The following SMAD4 variants were observed in gnomAD, a reference collection of about 807,000 sequenced individuals.
The protein encoded by SMAD4 is SMAD family member 4, also known as MAD homolog 4.
A neutral mutation model predicts 63.2 loss-of-function variants in SMAD4; 7 were observed. That is an observed-to-expected ratio of 0.11 (90% CI 0.06 to 0.21). SMAD4 has a LOEUF of 0.21. Ranked by LOEUF, SMAD4 falls within the 10% of genes least tolerant of loss-of-function variation. SMAD4 has a pLI of 1.00. For missense variants in SMAD4, 312 were observed against 693.8 expected, an observed-to-expected ratio of 0.45 and a Z score of 6.18; for synonymous variants, 215 against 235.4, an observed-to-expected ratio of 0.91 and a Z score of 0.79.
intron 10 of SMAD4, 148 bp from the exon 11 acceptor site, chr18:51,076,490 C>T: frequency 1.4e-6 from 1 of 690,938 alleles, no homozygotes; most frequent in Non-Finnish European, 2.5e-6. Flanking sequence ...AGACCAATCA[C>T]AATGTACATA....
intron 1 of SMAD4, among the ~76,000 whole-genome samples, chr18:51,036,485 A>G (rs1175979447): frequency 6.6e-6 from 1 of 152,202 alleles, no homozygotes; most frequent in East Asian, 1.9e-4. Flanking sequence ...CTAAGCCAGG[A>G]ATCATTGTAC....
In SMAD4 at chr18:51,058,428, G is replaced by A. The variant is rs753358186; in HGVS notation, c.876G>A (p.Pro292=). 1.4e-5 allele frequency: 22 copies of A among 1,611,916 alleles called. No individual in the cohort carries two copies. In the South Asian group the frequency reaches 1.4e-4, roughly 10 times the overall value. Residue 292 remains proline (P), a synonymous_variant, in exon 7 of 12, where the codon CCG becomes CCA. Transcript: ENST00000342988. ...AAAACGGCCATCTTCAGCACCACCC[G>A]CCTATGCCGCCCCATCCCGGACATT... The part of the protein sequence containing the change: ...HHQNGHLQHH[P]PMPPHPGHYW...
At chr18:51,044,957 T>G (rs1374546834) in intron 1 of SMAD4, 1 of 152,312 alleles carries the variant, frequency 6.6e-6, no homozygotes, top group South Asian at 2.1e-4. Context: ...CTAAGACATA[T>G]GAAAAACTGC....
intron 8 of SMAD4, among the ~76,000 whole-genome samples, chr18:51,062,065 T>C (rs1910028350): frequency 6.6e-6 from 1 of 152,218 alleles, no homozygotes. Flanking sequence ...CATAGTTTAA[T>C]AAACTTTTTG....
intron 4 of SMAD4, among the ~76,000 whole-genome samples, chr18:51,049,962 AT>A (rs939816840): frequency 1.3e-5 from 2 of 152,224 alleles, no homozygotes; most frequent in Non-Finnish European, 2.9e-5. Context: ...TTATTGTAAT[AT>A]TTGAGAATGG....
chr18:51,032,625 G>A (rs2144371826), intron 1 of SMAD4, among the ~76,000 whole-genome samples: 1 of 152,146 alleles, frequency 6.6e-6, no homozygotes, highest in East Asian at 1.9e-4. Flanking sequence ...ATTAAGGAGC[G>A]AGAATTAACC....
chr18:51,044,360 C>T (rs1006496859), intron 1 of SMAD4, among the ~76,000 whole-genome samples: 7 of 152,024 alleles, frequency 4.6e-5, no homozygotes, highest in South Asian at 2.1e-4. Flanking sequence ...CAGAAAAATG[C>T]GTAATGCATT....
intron 10 of SMAD4, among the ~76,000 whole-genome samples, chr18:51,068,336 T>A (rs978813428): frequency 6.6e-6 from 1 of 152,114 alleles, no homozygotes; most frequent in African/African-American, 2.4e-5. Context: ...CTCCCCCAAC[T>A]TTTTTTTCCT....
At chr18:51,037,530 G>A (rs978450927) in intron 1 of SMAD4, among the ~76,000 whole-genome samples, 4 of 152,174 alleles carry the variant, frequency 2.6e-5, no homozygotes, top group South Asian at 4.2e-4. Flanking sequence ...AAAAAATGCC[G>A]GTTTCACTTA....
chr18:51,056,968 C>A (rs939068885), intron 5 of SMAD4, among the ~76,000 whole-genome samples: 3 of 151,996 alleles, frequency 2.0e-5, no homozygotes, highest in African/African-American at 7.2e-5. Flanking sequence ...ATGAACAAAA[C>A]CATAATTAAC....
intron 8 of SMAD4, 117 bp downstream of exon 8, chr18:51,060,033 A>T: frequency 1.3e-6 from 1 of 763,364 alleles, no homozygotes; most frequent in Non-Finnish European, 2.4e-6. Flanking sequence ...TACAATACTC[A>T]TCATGACATG....
At chr18:51,034,267 A>G (rs970911726) in intron 1 of SMAD4, among the ~76,000 whole-genome samples, 2 of 137,238 alleles carry the variant, frequency 1.5e-5, no homozygotes, top group African/African-American at 5.5e-5. Context: ...TTTTTCTGAG[A>G]CGGAGTTTCG....
At position 51,081,684 on chromosome 18, in the gene SMAD4, G is replaced by A. The variant is rs1447557726; in HGVS notation, c.*3217G>A. The A allele has an allele frequency of 8.6e-6, 2 of 232,750 alleles. No individual in the cohort carries two copies. Among genetic ancestry groups the A allele is most frequent in the Admixed American group, 1.1e-4 (2 of 17,772 alleles). 14.4% of individuals were successfully genotyped at this position (232,750 alleles called of 1,614,324 possible). A position where few individuals can be genotyped will look rare whatever the true frequency, so the allele number is the denominator to read the frequency against. ...CCATTTTTGTGGGGCAGGGTGTGGTGTGTAAAGGGGGGTGTTTGTAATACA... is the reference window on the plus strand; with the variant it reads ...CCATTTTTGTGGGGCAGGGTGTGGTATGTAAAGGGGGGTGTTTGTAATACA... On this transcript the variant is annotated 3_prime_UTR_variant, in exon 12 of 12. Coordinates refer to ENST00000342988, the MANE Select transcript of SMAD4 (RefSeq NM_005359.6).
At chr18:51,064,095 CTAAG>C (rs1322895690) in intron 8 of SMAD4, among the ~76,000 whole-genome samples, 1 of 148,996 alleles carries the variant, frequency 6.7e-6, no homozygotes, top group Non-Finnish European at 1.5e-5. Flanking sequence ...TTTTGTCATT[CTAAG>C]TAACTTTGTT....
intron 11 of SMAD4, among the ~76,000 whole-genome samples, chr18:51,077,647 A>T (rs1261089058): frequency 6.6e-6 from 1 of 152,162 alleles, no homozygotes; most frequent in Non-Finnish European, 1.5e-5. Flanking sequence ...TTGATTTTTT[A>T]AAATTTGGGG....
chr18:51,074,692 A>C (rs1036093808), intron 10 of SMAD4, among the ~76,000 whole-genome samples: 1 of 152,224 alleles, frequency 6.6e-6, no homozygotes, highest in East Asian at 1.9e-4. Context: ...TCTTTAAAAA[A>C]GTGGTTGTAG....
At chr18:51,037,673 T>A (rs1386075931) in intron 1 of SMAD4, among the ~76,000 whole-genome samples, 1 of 152,230 alleles carries the variant, frequency 6.6e-6, no homozygotes, top group Non-Finnish European at 1.5e-5. Flanking sequence ...ACAGTGTTCT[T>A]TTCTAGGAAA....
chr18:51,075,805 G>A (rs111604818), intron 10 of SMAD4, among the ~76,000 whole-genome samples: 7 of 152,150 alleles, frequency 4.6e-5, no homozygotes, highest in Middle Eastern at 3.4e-3. Context: ...AAATGACTAC[G>A]GGGGAGGCTA....
At chr18:51,038,639 A>G (rs950013340) in intron 1 of SMAD4, among the ~76,000 whole-genome samples, 24 of 152,234 alleles carry the variant, frequency 1.6e-4, no homozygotes, top group Admixed American at 6.5e-5. Flanking sequence ...AGATATGGGA[A>G]TCCAGCTGTC....
Sources: gnomAD v4.1 joint callset for allele counts (sites outside exome capture counted in the v4.1 genomes callset) on GRCh38, gnomAD v4.1.1 for gene constraint, MANE v1.5 for transcripts, NCBI Gene and HGNC (gene_info 2026-07-23, HGNC 2026-07-21) for gene names.